The following MEGF6 variants were observed in gnomAD, a reference collection of about 807,000 sequenced individuals.
The protein encoded by MEGF6 is multiple epidermal growth factor-like domains protein 6.
In MEGF6, 184 loss-of-function variants were observed where a neutral mutation model predicts 207.1. That is an observed-to-expected ratio of 0.89 (90% CI 0.79 to 1.00). MEGF6 has a LOEUF of 1.00. MEGF6 is among the 50% of genes least tolerant of loss of function. The pLI is 0.00. For missense variants in MEGF6, 2,282 were observed against 2,202.9 expected (o/e 1.04, Z -0.72); for synonymous variants, 1,038 against 910.0 (o/e 1.14, Z -2.53).
chr1:3,501,593 G>A (rs1177077860), intron 18 of MEGF6, among the ~76,000 whole-genome samples: 2 of 152,132 alleles, frequency 1.3e-5, no homozygotes, highest in Non-Finnish European at 1.5e-5. Flanking sequence ...AGCAGCCCGA[G>A]AGGGCAGCCT....
At position 3,498,743 on chromosome 1, in the gene MEGF6, G is replaced by C; in HGVS notation, c.3178C>G (p.His1060Asp). Residue 1060 changes from histidine (H) to aspartate (D), a missense_variant, in exon 25 of 37, where the codon CAC becomes GAC. Transcript: ENST00000356575. ...NGGTCDPVSG[H>D]CACPEGWAGL... ...GCCCAGCCCTCTGGGCACGCACAGT[G>C]GCCTGAGACAGGGTCACAGGTCCCT... The C allele has an allele frequency of 6.4e-7, 1 of 1,565,208 alleles. No homozygotes were observed. The highest frequency in any genetic ancestry group is 8.6e-7 in the Non-Finnish European group (1 of 1,156,600).
intron 29 of MEGF6, 126 bp from the exon 30 acceptor site, chr1:3,496,144 G>A (rs1640596282): frequency 5.1e-6 from 7 of 1,361,158 alleles, no homozygotes; most frequent in South Asian, 4.7e-5. Flanking sequence ...GACAGGGTGG[G>A]GCCAGCCAAC....
chr1:3,505,022 C>T (rs6669870), intron 17 of MEGF6, among the ~76,000 whole-genome samples, 186 bp downstream of exon 17: 40,060 of 152,072 alleles, frequency 0.26, 7,380 homozygotes, highest in African/African-American at 0.51. Flanking sequence ...GCACCACTGC[C>T]ATGTGACAGG....
At chr1:3,601,859 C>T (rs536672997) in intron 2 of MEGF6, among the ~76,000 whole-genome samples, 1 of 152,256 alleles carries the variant, frequency 6.6e-6, no homozygotes, top group East Asian at 1.9e-4. Context: ...TCGGCTCCTC[C>T]GCAGATCCCA....
chr1:3,590,656 C>A (rs2101821896), intron 3 of MEGF6, among the ~76,000 whole-genome samples: 1 of 152,350 alleles, frequency 6.6e-6, no homozygotes, highest in Admixed American at 6.5e-5. Context: ...GTCCAGGTCA[C>A]ACGGAAGCAA....
At position 3,595,350 on chromosome 1, in the gene MEGF6, C is replaced by T. The variant is rs746383203; in HGVS notation, c.364G>A (p.Gly122Ser). ...RGWMQQPDEEGCLSAECSASL... is the reference protein window; with the variant it reads ...RGWMQQPDEESCLSAECSASL... The stretch of plus-strand genomic sequence containing the variant: ...AGGCGGCACTCACCCGAGAGGCAGC[C>T]CTCCTCGTCGGGCTGCTGCATCCAC... Residue 122 changes from glycine (G) to serine (S), a missense_variant, in exon 3 of 37, where the codon GGC becomes AGC. Coordinates refer to ENST00000356575, the MANE Select transcript of MEGF6 (RefSeq NM_001409.4). 17 of 1,611,394 alleles carry T rather than the reference C, an allele frequency of 1.1e-5. No individual in the cohort carries two copies. The highest frequency in any genetic ancestry group is 6.7e-5 in the East Asian group (3 of 44,860).
intron 5 of MEGF6, among the ~76,000 whole-genome samples, chr1:3,520,647 G>C (rs1641711305): frequency 6.6e-6 from 1 of 152,150 alleles, no homozygotes; most frequent in South Asian, 2.1e-4. Flanking sequence ...ACCAGGACTG[G>C]GCGGGCAGGG....
chr1:3,501,656 G>C (rs1221334023), intron 18 of MEGF6, 140 bp downstream of exon 18: 2 of 1,251,254 alleles, frequency 1.6e-6, no homozygotes, highest in Non-Finnish European at 2.2e-6. Context: ...CCCTACCCCA[G>C]GGGAGTGCAC....
Position 3,594,796 on chromosome 1 carries a change from T to A in MEGF6, c.376+542A>T, listed in dbSNP as rs1384862019. On this transcript the variant is annotated intron_variant, in intron 3 of 36. Coordinates refer to ENST00000356575, the MANE Select transcript of MEGF6 (RefSeq NM_001409.4). The surrounding 1 kb of genome is among the most constrained non-coding windows in gnomAD (Gnocchi z 4.2). ...CTCTGAGCCCCAGCACATCAGCACC[T>A]GCCCGGGTCAGGTCGTATGCAGCAC... Among the ~76,000 whole-genome samples, 2 of 152,210 alleles carry A rather than the reference T, an allele frequency of 1.3e-5. No homozygotes were observed. The highest frequency in any genetic ancestry group is 3.9e-4 in the East Asian group (2 of 5,190).
Position 3,565,545 on chromosome 1 carries a change from C to G in MEGF6, c.481+14280G>C, listed in dbSNP as rs375308088. The stretch of plus-strand genomic sequence containing the variant: ...ATCGGTGCCTGGCTTGAGAGGAGGA[C>G]GCTTCGTGCGGGGCTGCCTGGCCTG... On this transcript the variant is annotated intron_variant, in intron 4 of 36. Coordinates refer to ENST00000356575, the MANE Select transcript of MEGF6 (RefSeq NM_001409.4). This position sits in a 1 kb window ranked among gnomAD's most constrained non-coding sequence, Gnocchi z 4.8. 5.9e-4 allele frequency among the ~76,000 whole-genome samples: 90 copies of G among 152,280 alleles called. No homozygotes were observed. Among genetic ancestry groups the G allele is most frequent in the African/African-American group, 2.1e-3 (89 of 41,554 alleles).
intron 1 of MEGF6, among the ~76,000 whole-genome samples, chr1:3,605,007 C>T (rs913083772): frequency 7.9e-5 from 12 of 152,040 alleles, no homozygotes; most frequent in Non-Finnish European, 1.5e-4. Flanking sequence ...TGACCCAAGG[C>T]TGACCTCTGT....
rs543981939 is a variant in MEGF6, at chr1:3,555,991, C to T, written c.481+23834G>A. Reference sequence around the variant, plus strand: ...GGACTGGCTACATCTCAAGTCTGCCCGCCCACCCACAGGACTCACGGGATC... The same window carrying T: ...GGACTGGCTACATCTCAAGTCTGCCTGCCCACCCACAGGACTCACGGGATC... On this transcript the variant is annotated intron_variant, in intron 4 of 36. Transcript: ENST00000356575. Among the ~76,000 whole-genome samples, 16 of 152,360 alleles carry T rather than the reference C, an allele frequency of 1.1e-4. 1 individual carries two copies. The East Asian group carries it at 2.3e-3, about 22-fold the overall frequency.
chr1:3,508,819 G>A (rs1641217120), intron 12 of MEGF6, 130 bp from the exon 13 acceptor site: 4 of 1,215,982 alleles, frequency 3.3e-6, no homozygotes, highest in Non-Finnish European at 4.6e-6. Flanking sequence ...GGCCCCCAAA[G>A]GGTGACATGG....
intron 4 of MEGF6, chr1:3,531,518 C>T: frequency 9.6e-7 from 1 of 1,039,124 alleles, no homozygotes; most frequent in Non-Finnish European, 1.2e-6. Flanking sequence ...CCGGCCCCGC[C>T]CCGAGCCCCG....
Position 3,584,807 on chromosome 1 carries a change from G to A in MEGF6, c.377-4878C>T, listed in dbSNP as rs368405938. 3.7e-4 allele frequency among the ~76,000 whole-genome samples: 56 copies of A among 152,330 alleles called. 1 individual carries two copies. In the South Asian group the frequency reaches 9.1e-3, roughly 25 times the overall value. On this transcript the variant is annotated intron_variant, in intron 3 of 36. Transcript: ENST00000356575. Reference sequence around the variant, plus strand: ...GGGTAGGTCTCTGCCCGCAAGCACCGGGGAGGCATGGGCGGGTGGTAAGGC... The same window carrying A: ...GGGTAGGTCTCTGCCCGCAAGCACCAGGGAGGCATGGGCGGGTGGTAAGGC...
chr1:3,551,243 C>A (rs1642875264), intron 4 of MEGF6, among the ~76,000 whole-genome samples: 1 of 152,210 alleles, frequency 6.6e-6, no homozygotes, highest in Admixed American at 6.5e-5. Context: ...AGGATCACAC[C>A]TGGGGATGGA....
intron 14 of MEGF6, among the ~76,000 whole-genome samples, chr1:3,507,010 G>A (rs1381900952): frequency 3.9e-5 from 6 of 152,338 alleles, no homozygotes; most frequent in South Asian, 2.1e-4. Flanking sequence ...GAATGAATAC[G>A]GGGGTTCCCC....
intron 3 of MEGF6, among the ~76,000 whole-genome samples, chr1:3,584,735 T>C (rs948371277): frequency 3.9e-5 from 6 of 152,192 alleles, no homozygotes; most frequent in South Asian, 2.1e-4. Flanking sequence ...GCTGAGGACA[T>C]TGAGCAGTCC....
At chr1:3,607,765 T>C (rs772133565) in intron 1 of MEGF6, among the ~76,000 whole-genome samples, 1 of 152,198 alleles carries the variant, frequency 6.6e-6, no homozygotes, top group African/African-American at 2.4e-5. Flanking sequence ...ATTCCCAAAC[T>C]ACAAAGTGGA....
Sources: allele counts gnomAD v4.1 joint callset (sites outside exome capture counted in the v4.1 genomes callset), GRCh38; gene constraint gnomAD v4.1.1; non-coding constraint Gnocchi (gnomAD v3.1); transcripts MANE v1.5; gene names NCBI Gene and HGNC (gene_info 2026-07-23, HGNC 2026-07-21).